Variants in GRAP2 observed in about 807,000 individuals in gnomAD.
GRAP2 encodes GRB2 related adaptor protein 2.
Under a neutral mutation model 43.5 loss-of-function variants are expected in GRAP2, and 31 were observed. The observed-to-expected ratio is 0.71, with a 90% confidence interval of 0.54 to 0.96. GRAP2 has a LOEUF of 0.96. Among genes scored for constraint, GRAP2 ranks in the 40% least tolerant of loss-of-function variants. GRAP2 has a pLI of 0.00. For missense variants in GRAP2, 371 were observed against 424.4 expected, an observed-to-expected ratio of 0.87 and a Z score of 1.11; for synonymous variants, 156 against 164.8, an observed-to-expected ratio of 0.95 and a Z score of 0.41.
rs978524462 is a variant in GRAP2, at chr22:39,909,068, A to G, written c.-15+7738A>G. Among the ~76,000 whole-genome samples, 4 of 152,128 alleles carry G rather than the reference A, an allele frequency of 2.6e-5. No homozygotes were observed. In the East Asian group the frequency reaches 5.8e-4, roughly 22 times the overall value. ...GACTTTTGAAGATTCATGTGTGGCTACCCCCAACAATATCTCATTTGTACA... is the reference window on the plus strand; with the variant it reads ...GACTTTTGAAGATTCATGTGTGGCTGCCCCCAACAATATCTCATTTGTACA... On this transcript the variant is annotated intron_variant, in intron 1 of 7. Coordinates refer to ENST00000344138, the MANE Select transcript of GRAP2 (RefSeq NM_004810.4).
At chr22:39,896,312 G>A (rs2066466267), upstream of GRAP2, among the ~76,000 whole-genome samples, 1 of 152,212 alleles carries the variant, frequency 6.6e-6, no homozygotes, top group South Asian at 2.1e-4. Context: ...TACATGTAAT[G>A]TTAAAGTGTA....
chr22:39,967,974 G>A (rs1200143646), intron 5 of GRAP2, 68 bp from the exon 6 acceptor site: 24 of 1,549,274 alleles, frequency 1.5e-5, no homozygotes, highest in East Asian at 2.3e-5. Flanking sequence ...ACAACTGCCC[G>A]AGGGTAGGGT....
intron 1 of GRAP2, among the ~76,000 whole-genome samples, chr22:39,904,859 A>T (rs1273307499): frequency 6.6e-6 from 1 of 152,206 alleles, no homozygotes; most frequent in African/African-American, 2.4e-5. Flanking sequence ...ACCAGGTCCC[A>T]CTTTCTGAAT....
At chr22:39,947,026 A>AG in intron 1 of GRAP2, 67 bp from the exon 2 acceptor site, 1 of 893,498 alleles carries the variant, frequency 1.1e-6, no homozygotes, top group Admixed American at 1.7e-5. Flanking sequence ...ATTACCAGGA[A>AG]GCACCATCGG....
intron 3 of GRAP2, among the ~76,000 whole-genome samples, chr22:39,959,428 C>T (rs971135416): frequency 3.3e-5 from 5 of 152,204 alleles, no homozygotes; most frequent in Admixed American, 3.3e-4. Flanking sequence ...GGCTGCCAGC[C>T]TCGCTGATTT....
At chr22:39,952,023 T>G (rs1022944046) in intron 2 of GRAP2, among the ~76,000 whole-genome samples, 8 of 150,844 alleles carry the variant, frequency 5.3e-5, no homozygotes, top group Non-Finnish European at 8.9e-5. Context: ...TGTGTGGTTT[T>G]TTTTTTTTTT....
intron 1 of GRAP2, among the ~76,000 whole-genome samples, chr22:39,922,459 G>A (rs929129251): frequency 3.9e-5 from 6 of 152,202 alleles, no homozygotes; most frequent in Non-Finnish European, 2.9e-5. Context: ...TGCTGTGACT[G>A]AGGCACAGGG....
chr22:39,909,965 C>G (rs2066548174), intron 1 of GRAP2, among the ~76,000 whole-genome samples: 1 of 152,202 alleles, frequency 6.6e-6, no homozygotes. Context: ...AATCCAGAAA[C>G]TAAACTTCTG....
At chr22:39,914,916 C>T (rs962215074) in intron 1 of GRAP2, among the ~76,000 whole-genome samples, 17 of 152,008 alleles carry the variant, frequency 1.1e-4, no homozygotes, top group Admixed American at 9.2e-4. Context: ...AGGCCAGGCA[C>T]GGTGGCTCAC....
chr22:39,955,243 A>G (rs919826075), intron 2 of GRAP2, among the ~76,000 whole-genome samples: 6 of 152,156 alleles, frequency 3.9e-5, no homozygotes, highest in African/African-American at 1.4e-4. Context: ...CTGTAATCCC[A>G]GCTACTCAGG....
intron 1 of GRAP2, among the ~76,000 whole-genome samples, chr22:39,937,054 C>T (rs1262080071): frequency 6.6e-6 from 1 of 152,216 alleles, no homozygotes; most frequent in African/African-American, 2.4e-5. Context: ...AACACACAGC[C>T]TTAGGTGCCA....
At chr22:39,968,525 T>G (rs939302402) in intron 6 of GRAP2, 18 of 512,846 alleles carry the variant, frequency 3.5e-5, no homozygotes, top group Non-Finnish European at 5.5e-5. Flanking sequence ...ACACACACAC[T>G]TCCCCTGAGG....
chr22:39,900,241 T>C (rs1445351175), upstream of GRAP2, among the ~76,000 whole-genome samples: 2 of 152,194 alleles, frequency 1.3e-5, no homozygotes, highest in Admixed American at 1.3e-4. Context: ...GAACCCCAAA[T>C]TGAATCTCTC....
chr22:39,951,826 C>CCTT (rs1342434418), intron 2 of GRAP2, among the ~76,000 whole-genome samples: 1 of 152,090 alleles, frequency 6.6e-6, no homozygotes, highest in African/African-American at 2.4e-5. Flanking sequence ...AAAAACCTCA[C>CCTT]CTTCTATACA....
Position 39,969,548 on chromosome 22 carries a change from C to A in GRAP2, c.813+15C>A. 1 of 1,613,276 alleles carries A rather than the reference C, an allele frequency of 6.2e-7. No individual in the cohort carries two copies. Among genetic ancestry groups the A allele is most frequent in the Non-Finnish European group, 8.5e-7 (1 of 1,179,440 alleles). ...AGGCGGCAGGGGTATGGGAACTGTC[C>A]TTCTCTGGGATCCCTGGGGAAAGGC... On this transcript the variant is annotated intron_variant, in intron 7 of 7. Transcript: ENST00000344138.
chr22:39,919,278 T>C (rs1476990516), intron 1 of GRAP2, among the ~76,000 whole-genome samples: 1 of 152,206 alleles, frequency 6.6e-6, no homozygotes, highest in African/African-American at 2.4e-5. Context: ...CATTATACTT[T>C]TCATTTTACT....
intron 1 of GRAP2, among the ~76,000 whole-genome samples, chr22:39,923,995 A>G (rs575596295): frequency 4.5e-4 from 68 of 152,336 alleles, no homozygotes; most frequent in African/African-American, 1.5e-3. Flanking sequence ...TGGCGTATGT[A>G]CCATAAAAAC....
intron 3 of GRAP2, among the ~76,000 whole-genome samples, chr22:39,958,050 C>G (rs938585168): frequency 2.0e-5 from 3 of 152,170 alleles, no homozygotes; most frequent in Admixed American, 6.5e-5. Context: ...CTACTTCCAA[C>G]TCCTCATCTC....
chr22:39,921,553 T>G (rs187628787), intron 1 of GRAP2, among the ~76,000 whole-genome samples: 25 of 152,344 alleles, frequency 1.6e-4, no homozygotes, highest in Middle Eastern at 3.4e-3. Context: ...AGAAGGAGGA[T>G]GTTTAGCCAT....
Sources: allele counts gnomAD v4.1 joint callset (sites outside exome capture counted in the v4.1 genomes callset), GRCh38; gene constraint gnomAD v4.1.1; transcripts MANE v1.5; gene names NCBI Gene and HGNC (gene_info 2026-07-23, HGNC 2026-07-21).